Variants in ADGRL2 observed in about 807,000 individuals in gnomAD.
ADGRL2 encodes the protein calcium-independent alpha-latrotoxin receptor 2.
Under a neutral mutation model 157.4 loss-of-function variants are expected in ADGRL2, and 44 were observed. The observed-to-expected ratio is 0.28, with a 90% confidence interval of 0.22 to 0.36. ADGRL2 has a LOEUF of 0.36. ADGRL2 is among the 10% of genes least tolerant of loss of function. The probability of loss-of-function intolerance (pLI) is 1.00; values close to 1 mark genes in which losing one functional copy is unlikely to be tolerated. For missense variants in ADGRL2, 1,510 were observed against 1,768.9 expected (o/e 0.85, Z 2.63); for synonymous variants, 585 against 624.7 (o/e 0.94, Z 0.95).
At chr1:81,947,042 G>A (rs532962700) in intron 6 of ADGRL2, among the ~76,000 whole-genome samples, 1 of 152,254 alleles carries the variant, frequency 6.6e-6, no homozygotes, top group African/African-American at 2.4e-5. Flanking sequence ...TATTAAGCAT[G>A]TTTATTAGCA....
Position 81,986,881 on chromosome 1 carries a change from G to GA in ADGRL2, c.3509-20_3509-19insA. On this transcript the variant is annotated intron_variant, in intron 21 of 23. Coordinates refer to ENST00000686636, the MANE Select transcript of ADGRL2 (RefSeq NM_001366006.2). ...ATGTACTTTTCTCTGTTTTTTTGTT[G>GA]TTTTTTTTTTTTACTTTAGGAATGA... The GA allele has an allele frequency of 8.4e-7, 1 of 1,195,970 alleles. No individual in the cohort carries two copies. The highest frequency in any genetic ancestry group is 2.2e-5 in the Admixed American group (1 of 44,754). The allele number at this position is 1,195,970 out of a possible 1,614,324, so 74.1% of individuals were successfully genotyped here.
rs576694223 is a variant in ADGRL2 at position 81,493,860 on chromosome 1, G to C, written c.-248+48771G>C. Reference sequence around the variant, plus strand: ...CGCTATACACTTATTCAAAAATCCTGTTGCTTACTTGGGGAGAGGGCTTAT... The same window carrying C: ...CGCTATACACTTATTCAAAAATCCTCTTGCTTACTTGGGGAGAGGGCTTAT... On this transcript the variant is annotated intron_variant, in intron 2 of 24. Coordinates refer to the ADGRL2 transcript ENST00000370721. Among the ~76,000 whole-genome samples, 3 of 152,236 alleles carry C rather than the reference G, an allele frequency of 2.0e-5. No individual in the cohort carries two copies. The South Asian group carries it at 6.2e-4, about 32-fold the overall frequency.
chr1:81,338,464 A>G (rs1345649616), intron 1 of ADGRL2, among the ~76,000 whole-genome samples: 2 of 152,158 alleles, frequency 1.3e-5, no homozygotes, highest in Non-Finnish European at 2.9e-5. Context: ...AGGCACTAGG[A>G]TATTAACTGA....
chr1:81,561,823 A>T (rs2080450023), intron 2 of ADGRL2, among the ~76,000 whole-genome samples: 2 of 152,122 alleles, frequency 1.3e-5, no homozygotes, highest in Admixed American at 6.6e-5. Context: ...TCATGAAACA[A>T]TTACTGCTCT....
At chr1:81,455,270 G>A (rs2077780680) in intron 2 of ADGRL2, among the ~76,000 whole-genome samples, 1 of 152,138 alleles carries the variant, frequency 6.6e-6, no homozygotes, top group Admixed American at 6.6e-5. Flanking sequence ...ATTCTCAGAA[G>A]CCTGTGGGCA....
intron 1 of ADGRL2, among the ~76,000 whole-genome samples, chr1:81,435,832 C>T (rs2077399032): frequency 1.3e-5 from 2 of 152,198 alleles, no homozygotes; most frequent in Admixed American, 6.5e-5. Flanking sequence ...TGCGGTGGCT[C>T]ATGCCTGTAA....
chr1:81,799,882 T>C (rs1219318823), upstream of ADGRL2, among the ~76,000 whole-genome samples: 1 of 10,448 alleles, frequency 9.6e-5, no homozygotes, highest in Non-Finnish European at 2.0e-4. Flanking sequence ...CTCAGAAATT[T>C]TGCAATAAAA....
At chr1:81,981,069 A>AT (rs1324534294) in intron 18 of ADGRL2, 1 of 436,328 alleles carries the variant, frequency 2.3e-6, no homozygotes, top group Non-Finnish European at 4.4e-6. Flanking sequence ...ATTACTTTCT[A>AT]TTTTAATTCT....
chr1:81,784,551 A>G (rs1332970450), intron 2 of ADGRL2, among the ~76,000 whole-genome samples: 3 of 152,068 alleles, frequency 2.0e-5, no homozygotes, highest in Admixed American at 6.5e-5. Flanking sequence ...AACATGGTGA[A>G]ACCCTATCTT....
intron 2 of ADGRL2, among the ~76,000 whole-genome samples, chr1:81,518,245 AC>A (rs2148141038): frequency 6.6e-6 from 1 of 152,306 alleles, no homozygotes; most frequent in African/African-American, 2.4e-5. Flanking sequence ...AGAAACAAAC[AC>A]CACCTTTCAC....
intron 2 of ADGRL2, among the ~76,000 whole-genome samples, chr1:81,900,880 G>C (rs2094472827): frequency 6.6e-6 from 1 of 152,024 alleles, no homozygotes; most frequent in Admixed American, 6.6e-5. Context: ...AAGCCATGCA[G>C]ACAGAGGTGA....
intron 2 of ADGRL2, among the ~76,000 whole-genome samples, chr1:81,847,504 A>G (rs534437829): frequency 1.3e-5 from 2 of 151,926 alleles, no homozygotes; most frequent in Admixed American, 1.3e-4. Context: ...TAGTTGAAAT[A>G]TAGAAATAAC....
At chr1:81,604,944 C>T (rs149700061) in intron 3 of ADGRL2, among the ~76,000 whole-genome samples, 1 of 152,310 alleles carries the variant, frequency 6.6e-6, no homozygotes, top group Non-Finnish European at 1.5e-5. Flanking sequence ...ATTTTTACCA[C>T]CATTGGTTTT....
chr1:81,774,485 G>A (rs2086498498), intron 2 of ADGRL2, among the ~76,000 whole-genome samples: 1 of 152,180 alleles, frequency 6.6e-6, no homozygotes, highest in Admixed American at 6.5e-5. Context: ...CATTTTTTAA[G>A]TTACAGATTT....
intron 1 of ADGRL2, among the ~76,000 whole-genome samples, chr1:81,410,465 A>T (rs1330339991): frequency 2.0e-5 from 3 of 152,182 alleles, no homozygotes; most frequent in African/African-American, 7.2e-5. Context: ...CGTGATGCAG[A>T]TTAGCACTGG....
chr1:81,807,893 C>A (rs187374332), intron 1 of ADGRL2, among the ~76,000 whole-genome samples: 1 of 151,038 alleles, frequency 6.6e-6, no homozygotes. Flanking sequence ...ACTAAGTAGG[C>A]AATAATTTGT....
At chr1:81,454,193 C>G (rs2077757151) in intron 2 of ADGRL2, among the ~76,000 whole-genome samples, 1 of 150,290 alleles carries the variant, frequency 6.7e-6, no homozygotes, top group East Asian at 1.9e-4. Context: ...TTTCTTCTTC[C>G]TTTTTTAATG....
chr1:81,601,610 A>G (rs1279821750), intron 3 of ADGRL2, among the ~76,000 whole-genome samples: 2 of 152,314 alleles, frequency 1.3e-5, no homozygotes, highest in Non-Finnish European at 2.9e-5. Flanking sequence ...AGAAAAAGAG[A>G]GAGAGAGAAG....
At chr1:81,720,498 A>G (rs1318490278) in intron 1 of ADGRL2, among the ~76,000 whole-genome samples, 1 of 152,010 alleles carries the variant, frequency 6.6e-6, no homozygotes, top group African/African-American at 2.4e-5. Flanking sequence ...AATGTTAACA[A>G]GTGAGGTCTG....
Sources: allele counts gnomAD v4.1 joint callset (sites outside exome capture counted in the v4.1 genomes callset), GRCh38; gene constraint gnomAD v4.1.1; transcripts MANE v1.5; gene names NCBI Gene and HGNC (gene_info 2026-07-23, HGNC 2026-07-21).